The following NEDD4L variants were observed in gnomAD, a reference collection of about 807,000 sequenced individuals.
The protein encoded by NEDD4L is E3 ubiquitin-protein ligase NEDD4-like.
Under a neutral mutation model 148.9 loss-of-function variants are expected in NEDD4L, and 54 were observed. That is an observed-to-expected ratio of 0.36 (90% CI 0.29 to 0.45). The LOEUF (loss-of-function observed/expected upper bound fraction) is 0.45. Among genes scored for constraint, NEDD4L ranks in the 20% least tolerant of loss-of-function variants. The pLI is 1.00. For missense variants in NEDD4L, 856 were observed against 1,233.8 expected, an observed-to-expected ratio of 0.69 and a Z score of 4.59; for synonymous variants, 433 against 440.7, an observed-to-expected ratio of 0.98 and a Z score of 0.22.
intron 2 of NEDD4L, among the ~76,000 whole-genome samples, chr18:58,184,211 A>AG (rs1194802403): frequency 6.6e-6 from 1 of 152,154 alleles, no homozygotes; most frequent in Non-Finnish European, 1.5e-5. Flanking sequence ...GTGTCCTGGT[A>AG]GGGGTGTCTG....
At chr18:58,291,311 C>T (rs895352892) in intron 5 of NEDD4L, among the ~76,000 whole-genome samples, 1 of 152,234 alleles carries the variant, frequency 6.6e-6, no homozygotes, top group African/African-American at 2.4e-5. Context: ...GTCACCTTTT[C>T]TCATTAGCCA....
chr18:58,391,478 C>A lies in NEDD4L; in HGVS notation c.2753-9C>A. ...CAATCTTAACATTTCTTTTTCTTTT[C>A]TTGTCTAGGTTCCAATGGTCCTCAG... is the stretch of plus-strand genomic sequence containing the variant. On this transcript the variant is annotated splice_polypyrimidine_tract_variant and intron_variant, in intron 29 of 30. Transcript: ENST00000400345. The A allele has an allele frequency of 6.4e-7, 1 of 1,565,456 alleles. No individual in the cohort carries two copies. The highest frequency in any genetic ancestry group is 1.4e-5 in the African/African-American group (1 of 73,968).
intron 8 of NEDD4L, among the ~76,000 whole-genome samples, chr18:58,324,328 A>G (rs1162423134): frequency 6.6e-6 from 1 of 152,242 alleles, no homozygotes; most frequent in African/African-American, 2.4e-5. Context: ...TGCTGTAAAA[A>G]TGGAACTCGA....
Position 58,143,667 on chromosome 18 carries a change from C to T in NEDD4L, c.49-22121C>T, listed in dbSNP as rs1046870667. 3.3e-5 allele frequency among the ~76,000 whole-genome samples: 5 copies of T among 152,136 alleles called. No individual in the cohort carries two copies. In the East Asian group the frequency reaches 9.6e-4, roughly 29 times the overall value. ...CCGTCCCGTGTTCTTCGTCCATGTC[C>T]CCAGAGAGGCCGTGGATGGGATGGT... On this transcript the variant is annotated intron_variant, in intron 1 of 30. Transcript: ENST00000400345.
intron 25 of NEDD4L, 97 bp downstream of exon 25, chr18:58,383,416 C>T (rs957336027): frequency 2.8e-6 from 2 of 717,310 alleles, no homozygotes; most frequent in Non-Finnish European, 2.4e-6. Flanking sequence ...TTATTATGGG[C>T]ATGAGTTTAT....
chr18:58,046,171 G>A (rs528185106), intron 1 of NEDD4L, among the ~76,000 whole-genome samples: 187 of 152,280 alleles, frequency 1.2e-3, no homozygotes, highest in African/African-American at 4.4e-3. Context: ...ATTTTGCCTC[G>A]CTGTGCTTTT....
intron 1 of NEDD4L, among the ~76,000 whole-genome samples, chr18:58,050,399 G>GGCAGAGATTGCAGTGA (rs1366841692): frequency 1.3e-5 from 2 of 152,154 alleles, no homozygotes; most frequent in Non-Finnish European, 2.9e-5. Context: ...GAACCCTGAA[G>GGCAGAGATTGCAGTGA]GCAGAGATTG....
intron 1 of NEDD4L, among the ~76,000 whole-genome samples, chr18:58,139,523 T>C (rs569782243): frequency 3.3e-5 from 5 of 152,094 alleles, no homozygotes; most frequent in Admixed American, 6.5e-5. Context: ...ATATTTAAAA[T>C]AATGCGTGTT....
At position 58,180,588 on chromosome 18, in the gene NEDD4L, G is replaced by A. The variant is rs746221465; in HGVS notation, c.122+14727G>A. 5.9e-5 allele frequency among the ~76,000 whole-genome samples: 9 copies of A among 151,992 alleles called. 1 individual carries two copies. Among genetic ancestry groups the A allele is most frequent in the Non-Finnish European group, 1.3e-4 (9 of 68,020 alleles). ...CCTTGGCTGAATCTCTCCTCCTTTC[G>A]TGCTTGTTCTCCAGGTGACTTATTC... On this transcript the variant is annotated intron_variant, in intron 2 of 30. Coordinates refer to ENST00000400345, the MANE Select transcript of NEDD4L (RefSeq NM_001144967.3).
At chr18:58,088,825 T>A (rs964188423) in intron 1 of NEDD4L, among the ~76,000 whole-genome samples, 3 of 152,130 alleles carry the variant, frequency 2.0e-5, no homozygotes, top group Non-Finnish European at 4.4e-5. Flanking sequence ...CTGACTGGCG[T>A]ATTTATATTC....
intron 2 of NEDD4L, among the ~76,000 whole-genome samples, chr18:58,220,161 T>C (rs1396140137): frequency 6.6e-6 from 1 of 152,200 alleles, no homozygotes. Context: ...ATGCCTGTAA[T>C]CCCAGCACTT....
At chr18:58,184,231 T>A (rs929118966) in intron 2 of NEDD4L, among the ~76,000 whole-genome samples, 12 of 152,166 alleles carry the variant, frequency 7.9e-5, no homozygotes, top group Admixed American at 5.2e-4. Context: ...GGCTTTAGTG[T>A]CACCATTCTT....
intron 5 of NEDD4L, among the ~76,000 whole-genome samples, chr18:58,305,916 T>A (rs879479755): frequency 6.6e-6 from 1 of 152,190 alleles, no homozygotes; most frequent in Non-Finnish European, 1.5e-5. Flanking sequence ...GAAATGTTTT[T>A]ATAACAACCT....
intron 2 of NEDD4L, among the ~76,000 whole-genome samples, chr18:58,167,912 C>A (rs1016470277): frequency 6.6e-6 from 1 of 151,262 alleles, no homozygotes; most frequent in Non-Finnish European, 1.5e-5. Flanking sequence ...TTTATCCAAA[C>A]CCTCCCATTA....
intron 18 of NEDD4L, among the ~76,000 whole-genome samples, chr18:58,355,597 A>G (rs561544632): frequency 1.3e-5 from 2 of 152,208 alleles, no homozygotes; most frequent in African/African-American, 4.8e-5. Flanking sequence ...ACTCAGCTGT[A>G]CTCCGTTTCC....
intron 1 of NEDD4L, among the ~76,000 whole-genome samples, chr18:58,119,619 A>G (rs1360320227): frequency 6.6e-6 from 1 of 152,224 alleles, no homozygotes; most frequent in Non-Finnish European, 1.5e-5. Context: ...GTGTAGCTTT[A>G]TAACAAGTGG....
intron 10 of NEDD4L, among the ~76,000 whole-genome samples, 166 bp downstream of exon 10, chr18:58,329,293 T>G (rs1160137460): frequency 6.6e-6 from 1 of 152,224 alleles, no homozygotes; most frequent in Non-Finnish European, 1.5e-5. Flanking sequence ...TGAAAGTGCC[T>G]ATAAAAGCCG....
In NEDD4L at chr18:58,318,405, A is replaced by C. The variant is rs569052165; in HGVS notation, c.348+2373A>C. ...ACCCTGTCTCTATAGAGAAACTTAAAGATTAACCCAGCATGGTGGCACATG... is the reference window on the plus strand; with the variant it reads ...ACCCTGTCTCTATAGAGAAACTTAACGATTAACCCAGCATGGTGGCACATG... On this transcript the variant is annotated intron_variant, in intron 6 of 30. Transcript: ENST00000400345. 2.0e-5 allele frequency among the ~76,000 whole-genome samples: 3 copies of C among 152,338 alleles called. No homozygotes were observed. In the South Asian group the frequency reaches 6.2e-4, roughly 32 times the overall value.
intron 1 of NEDD4L, among the ~76,000 whole-genome samples, chr18:58,122,748 T>C (rs541662744): frequency 1.3e-5 from 2 of 152,274 alleles, no homozygotes; most frequent in Admixed American, 1.3e-4. Flanking sequence ...TTTTTCTTTT[T>C]TTTTTGAGAC....
Sources: allele counts gnomAD v4.1 joint callset (sites outside exome capture counted in the v4.1 genomes callset), GRCh38; gene constraint gnomAD v4.1.1; transcripts MANE v1.5; gene names NCBI Gene and HGNC (gene_info 2026-07-23, HGNC 2026-07-21).